NDST4: variants seen among roughly 807,000 people sequenced by gnomAD.
NDST4 encodes N-heparan sulfate sulfotransferase 4.
Under a neutral mutation model 100.8 loss-of-function variants are expected in NDST4, and 63 were observed. The observed-to-expected ratio is 0.62, with a 90% confidence interval of 0.51 to 0.77. NDST4 has a LOEUF of 0.77. NDST4 is among the 30% of genes least tolerant of loss of function. The pLI is 0.00. For synonymous variants in NDST4, 377 were observed against 361.8 expected, an observed-to-expected ratio of 1.04 and a Z score of -0.48; for missense variants, 943 against 1,018.4, an observed-to-expected ratio of 0.93 and a Z score of 1.01.
intron 4 of NDST4, among the ~76,000 whole-genome samples, chr4:114,955,609 T>G (rs1441404811): frequency 6.6e-6 from 1 of 152,216 alleles, no homozygotes; most frequent in Non-Finnish European, 1.5e-5. Context: ...AATAGTAGGA[T>G]GCAGAGTTGT....
chr4:115,033,802 T>TA (rs70964338), intron 2 of NDST4, among the ~76,000 whole-genome samples: 66,464 of 151,954 alleles, frequency 0.44, 16,976 homozygotes, highest in Non-Finnish European at 0.6. Flanking sequence ...TCTTCTGTAA[T>TA]AAAAAACATA....
chr4:114,833,789 G>C, intron 11 of NDST4, 74 bp from the exon 12 acceptor site: 1 of 868,408 alleles, frequency 1.2e-6, no homozygotes, highest in South Asian at 1.6e-5. Context: ...TCCTTTACCT[G>C]GTGTGACATT....
intron 10 of NDST4, among the ~76,000 whole-genome samples, chr4:114,841,480 T>C (rs1042972032): frequency 3.3e-5 from 5 of 152,276 alleles, no homozygotes; most frequent in African/African-American, 1.2e-4. Flanking sequence ...CTTTCAAACC[T>C]GTATGTATGT....
intron 1 of NDST4, among the ~76,000 whole-genome samples, chr4:115,104,636 G>C (rs749246730): frequency 3.9e-5 from 6 of 151,932 alleles, no homozygotes; most frequent in Non-Finnish European, 8.8e-5. Flanking sequence ...GAAAATTTTT[G>C]AATGTTAGTT....
intron 7 of NDST4, among the ~76,000 whole-genome samples, chr4:114,862,514 T>A (rs980738482): frequency 6.6e-6 from 1 of 152,118 alleles, no homozygotes; most frequent in Non-Finnish European, 1.5e-5. Flanking sequence ...TTAGCAAAGG[T>A]AGAAGAGTAG....
intron 4 of NDST4, among the ~76,000 whole-genome samples, chr4:114,966,148 C>T (rs1457452426): frequency 6.6e-6 from 1 of 151,986 alleles, no homozygotes; most frequent in African/African-American, 2.4e-5. Flanking sequence ...TACAAACACA[C>T]ACATATACAC....
chr4:115,096,121 A>AT (rs1315252162), intron 1 of NDST4, among the ~76,000 whole-genome samples: 1 of 150,382 alleles, frequency 6.6e-6, no homozygotes, highest in Non-Finnish European at 1.5e-5. Context: ...CATGATGTAC[A>AT]TTTTTTAAAA....
rs560544645 is a variant in NDST4, at chr4:114,970,705, T to G, written c.1067-121A>C. ...ATACATATATCCAATTCTGTGGGCT[T>G]TTTAAATCAGAATAAAAGACCACAG... On this transcript the variant is annotated intron_variant, in intron 3 of 13. Transcript: ENST00000264363. 29 of 842,262 alleles carry G rather than the reference T, an allele frequency of 3.4e-5. No homozygotes were observed. In the East Asian group the frequency reaches 7.9e-4, roughly 23 times the overall value. The allele number at this position is 842,262 out of a possible 1,614,324, so 52.2% of individuals were successfully genotyped here.
At chr4:114,864,770 C>T (rs920838704) in intron 7 of NDST4, among the ~76,000 whole-genome samples, 1 of 152,112 alleles carries the variant, frequency 6.6e-6, no homozygotes, top group African/African-American at 2.4e-5. Context: ...ACTGATTTGT[C>T]AAACTTTGCT....
chr4:115,007,244 G>A lies in NDST4; in HGVS notation c.979-29970C>T, dbSNP rs189882940. ...AATTGAGGCACAGACTATGGAACCA[G>A]TAAACATGCAGCTGTAGTATGGTTA... On this transcript the variant is annotated intron_variant, in intron 2 of 13. Transcript: ENST00000264363. Among the ~76,000 whole-genome samples, 369 of 152,198 alleles carry A rather than the reference G, an allele frequency of 2.4e-3. 3 individuals carry two copies. The highest frequency in any genetic ancestry group is 8.5e-3 in the African/African-American group (354 of 41,554).
chr4:114,931,735 T>C (rs1350519675), intron 6 of NDST4, among the ~76,000 whole-genome samples: 1 of 151,822 alleles, frequency 6.6e-6, no homozygotes, highest in African/African-American at 2.4e-5. Flanking sequence ...CCTAACAGGT[T>C]AACCTAGAAG....
chr4:114,860,502 A>T (rs573058236), intron 7 of NDST4, among the ~76,000 whole-genome samples: 2 of 152,314 alleles, frequency 1.3e-5, no homozygotes, highest in Admixed American at 1.3e-4. Flanking sequence ...ATCCTCAAAA[A>T]TAAAGCCACA....
intron 7 of NDST4, among the ~76,000 whole-genome samples, chr4:114,870,050 C>T (rs1263056910): frequency 1.3e-5 from 2 of 152,052 alleles, no homozygotes; most frequent in South Asian, 2.1e-4. Flanking sequence ...CTGCAGCCAG[C>T]CTATTGATTT....
chr4:114,919,110 G>T (rs768199553), intron 6 of NDST4, among the ~76,000 whole-genome samples: 5 of 152,124 alleles, frequency 3.3e-5, no homozygotes, highest in African/African-American at 4.8e-5. Context: ...CTTAGCTAAA[G>T]ATTACTTCCA....
rs1301697117 is a variant in NDST4 at position 114,973,175 on chromosome 4, TG to T, written c.1067-2592del. Among the ~76,000 whole-genome samples the T allele has an allele frequency of 5.3e-5, 8 of 152,178 alleles. No individual in the cohort carries two copies. In the East Asian group the frequency reaches 1.5e-3, roughly 29 times the overall value. ...TGAAAGTATTACATTTTGGACTTCC[TG>T]TAAACATTTATTTTTCTGTACCTAA... On this transcript the variant is annotated intron_variant, in intron 3 of 13. Coordinates refer to ENST00000264363, the MANE Select transcript of NDST4 (RefSeq NM_022569.3).
intron 2 of NDST4, among the ~76,000 whole-genome samples, chr4:115,022,479 C>CAT (rs562372664): frequency 0.021 from 2,867 of 137,554 alleles, 148 homozygotes; most frequent in Admixed American, 0.048. Context: ...ATATGTGTTC[C>CAT]ATATATATGT....
At position 115,077,126 on chromosome 4, in the gene NDST4, T is replaced by A; in HGVS notation, c.-90A>T. 8.3e-7 allele frequency: 1 copy of A among 1,201,948 alleles called. No individual in the cohort carries two copies. Among genetic ancestry groups the A allele is most frequent in the Non-Finnish European group, 1.1e-6 (1 of 875,932 alleles). 74.5% of individuals were successfully genotyped at this position (1,201,948 alleles called of 1,614,324 possible). On this transcript the variant is annotated 5_prime_UTR_variant, in exon 2 of 14. Transcript: ENST00000264363. ...AGTATGAGATGTTGCAAATATCACT[T>A]CCCCAGAGTTCATGTAACCATCGCA...
At chr4:114,868,590 A>G (rs938475678) in intron 7 of NDST4, among the ~76,000 whole-genome samples, 1 of 152,000 alleles carries the variant, frequency 6.6e-6, no homozygotes, top group Non-Finnish European at 1.5e-5. Context: ...TCTATTTTCT[A>G]TTCCTTGTTT....
intron 1 of NDST4, among the ~76,000 whole-genome samples, chr4:115,083,788 T>A (rs1439367355): frequency 6.6e-6 from 1 of 152,146 alleles, no homozygotes; most frequent in Non-Finnish European, 1.5e-5. Flanking sequence ...CTCGTCACCC[T>A]GTGAAGAGGT....
Sources: gnomAD v4.1 joint callset for allele counts (sites outside exome capture counted in the v4.1 genomes callset) on GRCh38, gnomAD v4.1.1 for gene constraint, MANE v1.5 for transcripts, NCBI Gene and HGNC (gene_info 2026-07-23, HGNC 2026-07-21) for gene names.